The following ASTN2 variants were observed in gnomAD, a reference collection of about 807,000 sequenced individuals.
ASTN2 encodes the protein astrotactin 2.
ASTN2 carries 54 observed loss-of-function variants against 139.8 expected under a neutral mutation model. The ratio of observed to expected loss-of-function variants is 0.39; its 90% CI spans 0.31 to 0.48. ASTN2 has a LOEUF of 0.48. ASTN2 is among the 20% of genes least tolerant of loss of function. The pLI, the probability that ASTN2 is intolerant of heterozygous loss-of-function variation, is 0.95. For synonymous variants in ASTN2, 756 were observed against 719.5 expected (o/e 1.05, Z -0.81); for missense variants, 1,565 against 1,725.1 (o/e 0.91, Z 1.64).
At chr9:117,075,265 C>T (rs1465173758) in intron 5 of ASTN2, among the ~76,000 whole-genome samples, 1 of 152,182 alleles carries the variant, frequency 6.6e-6, no homozygotes, top group Non-Finnish European at 1.5e-5. Flanking sequence ...CTGACAAATG[C>T]TCCAGCCTCC....
At chr9:116,630,137 C>A in intron 17 of ASTN2, among the ~76,000 whole-genome samples, 1 of 152,130 alleles carries the variant, frequency 6.6e-6, no homozygotes, top group Non-Finnish European at 1.5e-5. Context: ...ATTTGTAGAG[C>A]AACACCATGA....
intron 13 of ASTN2, among the ~76,000 whole-genome samples, chr9:116,737,981 A>C (rs1245358717): frequency 6.7e-6 from 1 of 150,092 alleles, no homozygotes; most frequent in Non-Finnish European, 1.5e-5. Context: ...TCACGAGGTC[A>C]GGAGATCGAG....
At chr9:117,378,635 G>A (rs537635072) in intron 1 of ASTN2, among the ~76,000 whole-genome samples, 8 of 152,240 alleles carry the variant, frequency 5.3e-5, no homozygotes, top group Non-Finnish European at 8.8e-5. Flanking sequence ...AAAACTAGGG[G>A]TTCAAGTTTC....
In ASTN2 at chr9:116,915,600, G is replaced by A. The variant is rs183433898; in HGVS notation, c.1890-51867C>T. Among the ~76,000 whole-genome samples, 61 of 152,248 alleles carry A rather than the reference G, an allele frequency of 4.0e-4. 1 individual carries two copies. Among genetic ancestry groups the A allele is most frequent in the East Asian group, 1.4e-3 (7 of 5,176 alleles). The stretch of plus-strand genomic sequence containing the variant: ...GAAGAGGAGCTGGAGAGTTAATCAC[G>A]TCAATCTTGGCTACATGATGAAGCC... On this transcript the variant is annotated intron_variant, in intron 10 of 22. Coordinates refer to ENST00000313400, the MANE Select transcript of ASTN2 (RefSeq NM_001365068.1).
chr9:117,222,563 C>T (rs181277704), intron 2 of ASTN2, among the ~76,000 whole-genome samples: 1 of 152,182 alleles, frequency 6.6e-6, no homozygotes. Flanking sequence ...ACCAAACTCT[C>T]AGTCCTGAGG....
rs1856774279 is a variant in ASTN2 at position 116,632,128 on chromosome 9, A to AGAGAGAGAGAGAG, written c.3073-11686_3073-11685insCTCTCTCTCTCTC. On this transcript the variant is annotated intron_variant, in intron 17 of 22. Transcript: ENST00000313400. ...ACTGTGTCAAAAGAAAAAGAAAAAGAAGAGAGAGAGAGAGAGAGAGAGAGA... is the reference window on the plus strand; with the variant it reads ...ACTGTGTCAAAAGAAAAAGAAAAAGAGAGAGAGAGAGAGAGAGAGAGAGAGAGAGAGAGAGAGA... Among the ~76,000 whole-genome samples, 4 of 47,760 alleles carry AGAGAGAGAGAGAG rather than the reference A, an allele frequency of 8.4e-5. No homozygotes were observed. In the East Asian group the frequency reaches 3.1e-3, roughly 37 times the overall value. 31.3% of individuals were successfully genotyped at this position (47,760 alleles called of 152,430 possible). A position where few individuals can be genotyped will look rare whatever the true frequency, so the allele number is the denominator to read the frequency against.
chr9:116,498,376 G>A (rs895603683), intron 19 of ASTN2, among the ~76,000 whole-genome samples: 1 of 152,104 alleles, frequency 6.6e-6, no homozygotes, highest in Admixed American at 6.5e-5. Flanking sequence ...CTTGAGGCCA[G>A]GAGGTCAAGA....
chr9:116,984,186 C>A (rs1411831392), intron 7 of ASTN2, among the ~76,000 whole-genome samples: 2 of 152,190 alleles, frequency 1.3e-5, no homozygotes, highest in Non-Finnish European at 2.9e-5. Flanking sequence ...CCATTTATTC[C>A]CATCTCTCTT....
At chr9:116,762,283 T>C (rs1477378554) in intron 13 of ASTN2, among the ~76,000 whole-genome samples, 1 of 152,226 alleles carries the variant, frequency 6.6e-6, no homozygotes, top group African/African-American at 2.4e-5. Flanking sequence ...TTGTTGTCTG[T>C]GAGCTTGGAA....
chr9:116,882,147 C>T (rs1016154854), intron 10 of ASTN2, among the ~76,000 whole-genome samples: 3 of 152,136 alleles, frequency 2.0e-5, no homozygotes, highest in Non-Finnish European at 4.4e-5. Context: ...CTCTTTCTGG[C>T]CCTGCACTCT....
At chr9:117,357,355 C>A (rs1177391310) in intron 1 of ASTN2, among the ~76,000 whole-genome samples, 1 of 151,926 alleles carries the variant, frequency 6.6e-6, no homozygotes, top group Non-Finnish European at 1.5e-5. Context: ...CCTAGGCTTG[C>A]AAAAGTCACA....
At chr9:117,394,986 G>A (rs1038520437) in intron 1 of ASTN2, among the ~76,000 whole-genome samples, 1 of 152,264 alleles carries the variant, frequency 6.6e-6, no homozygotes, top group Admixed American at 6.5e-5. Flanking sequence ...TGGTGGAAAC[G>A]AGGAAAGAGC....
chr9:116,592,760 CCACTT>C (rs1309576043), intron 19 of ASTN2, among the ~76,000 whole-genome samples: 1 of 152,150 alleles, frequency 6.6e-6, no homozygotes, highest in Non-Finnish European at 1.5e-5. Context: ...CTGAATTCAA[CCACTT>C]CACTTCACAG....
chr9:117,225,026 A>C (rs1452988180), intron 2 of ASTN2, among the ~76,000 whole-genome samples: 4 of 152,172 alleles, frequency 2.6e-5, no homozygotes, highest in Admixed American at 6.5e-5. Context: ...AGTAGCCCTC[A>C]TTATGTATTT....
intron 13 of ASTN2, among the ~76,000 whole-genome samples, chr9:116,776,706 T>C (rs921880977): frequency 2.0e-5 from 3 of 151,962 alleles, no homozygotes; most frequent in Non-Finnish European, 4.4e-5. Flanking sequence ...GGCAGGAGCT[T>C]GGAGAGTGCT....
At chr9:117,241,924 ACC>A (rs373435287) in intron 2 of ASTN2, among the ~76,000 whole-genome samples, 1,685 of 128,170 alleles carry the variant, frequency 0.013, 49 homozygotes, top group African/African-American at 0.046. Context: ...CGTGCAAGTT[ACC>A]CCCCCCCACA....
chr9:116,600,393 T>A (rs147395278), intron 19 of ASTN2, among the ~76,000 whole-genome samples: 4 of 151,944 alleles, frequency 2.6e-5, no homozygotes, highest in African/African-American at 9.7e-5. Context: ...CAGCCATTCT[T>A]CCTGATCCCC....
chr9:116,893,595 C>T (rs911745434), intron 10 of ASTN2, among the ~76,000 whole-genome samples: 7 of 152,116 alleles, frequency 4.6e-5, no homozygotes, highest in Admixed American at 2.0e-4. Flanking sequence ...GAACTCAATA[C>T]GATGATGTGT....
At chr9:116,932,774 G>A (rs907476428) in intron 10 of ASTN2, among the ~76,000 whole-genome samples, 8 of 152,052 alleles carry the variant, frequency 5.3e-5, no homozygotes, top group Admixed American at 2.6e-4. Context: ...GAGAGGCCAC[G>A]GCGGGTGGAT....
Sources: gnomAD v4.1 joint callset for allele counts (sites outside exome capture counted in the v4.1 genomes callset) on GRCh38, gnomAD v4.1.1 for gene constraint, MANE v1.5 for transcripts, NCBI Gene and HGNC (gene_info 2026-07-23, HGNC 2026-07-21) for gene names.